The following ERBB4 variants were observed in gnomAD, a reference collection of about 807,000 sequenced individuals.
The protein encoded by ERBB4 is erb-b2 receptor tyrosine kinase 4.
A neutral mutation model predicts 158.0 loss-of-function variants in ERBB4; 42 were observed. The observed-to-expected ratio is 0.27, with a 90% CI of 0.21 to 0.34. ERBB4 has a LOEUF of 0.34. ERBB4 is among the 10% of genes least tolerant of loss of function. The pLI is 1.00. For synonymous variants in ERBB4, 583 were observed against 558.7 expected, an observed-to-expected ratio of 1.04 and a Z score of -0.61; for missense variants, 1,333 against 1,624.1, an observed-to-expected ratio of 0.82 and a Z score of 3.08.
chr2:211,599,917 TA>T (rs1016610583), intron 19 of ERBB4, among the ~76,000 whole-genome samples: 1 of 152,178 alleles, frequency 6.6e-6, no homozygotes. Context: ...CTACCTTAAG[TA>T]AAGTTATAAA....
At chr2:212,378,182 C>T (rs957142037) in intron 1 of ERBB4, among the ~76,000 whole-genome samples, 2 of 151,746 alleles carry the variant, frequency 1.3e-5, no homozygotes, top group African/African-American at 4.8e-5. Context: ...ATGGGACTAC[C>T]GTCATTAATG....
chr2:212,241,420 A>G (rs2084102424), intron 1 of ERBB4, among the ~76,000 whole-genome samples: 1 of 152,224 alleles, frequency 6.6e-6, no homozygotes, highest in South Asian at 2.1e-4. Flanking sequence ...TGTATATGAA[A>G]CAGGTCCAAG....
chr2:211,401,303 A>C (rs1323382869), intron 25 of ERBB4, among the ~76,000 whole-genome samples: 2 of 152,128 alleles, frequency 1.3e-5, no homozygotes, highest in African/African-American at 4.8e-5. Context: ...CTTTCTTTAG[A>C]TGATGAGGGT....
intron 3 of ERBB4, among the ~76,000 whole-genome samples, chr2:211,795,047 C>T (rs985306140): frequency 6.6e-6 from 1 of 151,846 alleles, no homozygotes; most frequent in Non-Finnish European, 1.5e-5. Flanking sequence ...GTTCTATCAT[C>T]TCATACCAGA....
chr2:211,779,115 G>C (rs934050782), intron 4 of ERBB4: 33 of 152,148 alleles, frequency 2.2e-4, no homozygotes, highest in African/African-American at 7.7e-4. Flanking sequence ...ATTTACAGTA[G>C]GGGTAGATGC....
intron 1 of ERBB4, among the ~76,000 whole-genome samples, chr2:212,319,239 C>T (rs2087444334): frequency 6.6e-6 from 1 of 150,974 alleles, no homozygotes; most frequent in Non-Finnish European, 1.5e-5. Context: ...TTTCATACAT[C>T]ACAGCCTTCA....
At chr2:212,035,972 T>C (rs1334346776) in intron 2 of ERBB4, among the ~76,000 whole-genome samples, 2 of 152,224 alleles carry the variant, frequency 1.3e-5, no homozygotes, top group Non-Finnish European at 2.9e-5. Context: ...TGATTGTACA[T>C]ATGAACTCTA....
chr2:212,125,618 T>C (rs1306008589), intron 1 of ERBB4, among the ~76,000 whole-genome samples: 1 of 152,212 alleles, frequency 6.6e-6, no homozygotes, highest in Non-Finnish European at 1.5e-5. Flanking sequence ...CTCCTCTATG[T>C]GTCCATGTGT....
At chr2:211,626,754 C>G (rs934265949) in intron 17 of ERBB4, among the ~76,000 whole-genome samples, 2 of 151,810 alleles carry the variant, frequency 1.3e-5, no homozygotes, top group African/African-American at 2.4e-5. Context: ...GAAACCCTGT[C>G]TCTACTAAAA....
chr2:212,431,255 T>G (rs975707525), intron 1 of ERBB4, among the ~76,000 whole-genome samples: 5 of 148,780 alleles, frequency 3.4e-5, no homozygotes, highest in Non-Finnish European at 7.4e-5. Flanking sequence ...TTCATGGTCT[T>G]CTTCATCTCA....
chr2:211,424,387 C>G, intron 22 of ERBB4, 86 bp from the exon 23 acceptor site: 1 of 892,364 alleles, frequency 1.1e-6, no homozygotes, highest in Admixed American at 2.0e-5. Flanking sequence ...AAAGAATACT[C>G]CTTACAGGTC....
chr2:211,782,314 G>C (rs1161964433), intron 4 of ERBB4, among the ~76,000 whole-genome samples: 1 of 152,164 alleles, frequency 6.6e-6, no homozygotes, highest in Non-Finnish European at 1.5e-5. Flanking sequence ...CTGTGAAGTT[G>C]ATGCTTTTTC....
chr2:211,679,006 T>A lies in ERBB4; in HGVS notation c.1622+46A>T, dbSNP rs777112538. On this transcript the variant is annotated intron_variant, in intron 13 of 27. Coordinates refer to ENST00000342788, the MANE Select transcript of ERBB4 (RefSeq NM_005235.3). ...AAAAAAAAAAATCAGAACTAATCAG[T>A]CCTTCAAAGCTCATGAGGTGAAGGC... The A allele has an allele frequency of 1.5e-5, 18 of 1,163,954 alleles. No individual in the cohort carries two copies. The African/African-American group carries it at 2.5e-4, about 16-fold the overall frequency. The allele number at this position is 1,163,954 out of a possible 1,614,324, so 72.1% of individuals were successfully genotyped here.
chr2:211,662,959 T>A (rs2105913078), intron 15 of ERBB4, among the ~76,000 whole-genome samples: 1 of 152,320 alleles, frequency 6.6e-6, no homozygotes, highest in Admixed American at 6.5e-5. Context: ...GAGCTCACAC[T>A]TACTGATAGG....
At chr2:211,916,981 T>C (rs1175799274) in intron 3 of ERBB4, among the ~76,000 whole-genome samples, 2 of 152,152 alleles carry the variant, frequency 1.3e-5, no homozygotes, top group Non-Finnish European at 2.9e-5. Context: ...TTTATGAAGA[T>C]GAAATGAAAA....
intron 1 of ERBB4, among the ~76,000 whole-genome samples, chr2:212,535,868 GC>G (rs781315395): frequency 6.6e-5 from 10 of 151,944 alleles, no homozygotes; most frequent in African/African-American, 9.7e-5. Flanking sequence ...AGCATCCCCC[GC>G]CCTATATTTT....
intron 16 of ERBB4, among the ~76,000 whole-genome samples, chr2:211,652,459 T>C (rs2071028336): frequency 6.6e-6 from 1 of 152,126 alleles, no homozygotes; most frequent in African/African-American, 2.4e-5. Context: ...GATTTGGACA[T>C]GAGTTATGAA....
At chr2:211,523,886 G>A (rs1323309524) in intron 20 of ERBB4, among the ~76,000 whole-genome samples, 1 of 152,060 alleles carries the variant, frequency 6.6e-6, no homozygotes, top group Non-Finnish European at 1.5e-5. Flanking sequence ...GAGCCGAGTG[G>A]TCTGTTTTGA....
At chr2:212,284,696 T>C (rs1432214673) in intron 1 of ERBB4, among the ~76,000 whole-genome samples, 1 of 152,160 alleles carries the variant, frequency 6.6e-6, no homozygotes, top group Non-Finnish European at 1.5e-5. Context: ...ATTTGCTTGT[T>C]GTCTTTAGAA....
Sources: allele counts gnomAD v4.1 joint callset (sites outside exome capture counted in the v4.1 genomes callset), GRCh38; gene constraint gnomAD v4.1.1; transcripts MANE v1.5; gene names NCBI Gene and HGNC (gene_info 2026-07-23, HGNC 2026-07-21).